CAMTA1: variants seen among roughly 807,000 people sequenced by gnomAD.
CAMTA1 encodes the protein calmodulin binding transcription activator 1.
A neutral mutation model predicts 170.9 loss-of-function variants in CAMTA1; 27 were observed. The observed-to-expected ratio is 0.16, with a 90% CI of 0.12 to 0.22. The LOEUF is 0.22. Among genes scored for constraint, CAMTA1 ranks in the 10% least tolerant of loss-of-function variants. The pLI, the probability that CAMTA1 is intolerant of heterozygous loss-of-function variation, is 1.00. For synonymous variants in CAMTA1, 833 were observed against 891.5 expected (o/e 0.93, Z 1.17); for missense variants, 1,619 against 2,217.2 (o/e 0.73, Z 5.42).
intron 5 of CAMTA1, among the ~76,000 whole-genome samples, chr1:7,348,067 C>T (rs1326937927): frequency 2.6e-5 from 4 of 152,264 alleles, no homozygotes; most frequent in East Asian, 1.9e-4. Context: ...GCAGCTCTGG[C>T]GAGGGACTGA....
chr1:6,809,534 TGAG>T (rs938908096), intron 1 of CAMTA1, among the ~76,000 whole-genome samples: 2 of 151,904 alleles, frequency 1.3e-5, no homozygotes, highest in African/African-American at 4.8e-5. Flanking sequence ...AGAAGGGCTG[TGAG>T]GAGGTCTGGA....
chr1:6,972,771 CTAT>C (rs1692764328), intron 3 of CAMTA1, among the ~76,000 whole-genome samples: 1 of 152,166 alleles, frequency 6.6e-6, no homozygotes, highest in Non-Finnish European at 1.5e-5. Context: ...GTTTCTTTTA[CTAT>C]TATTATTGTT....
chr1:7,007,456 T>G lies in CAMTA1; in HGVS notation c.235-83848T>G, dbSNP rs1699167163. Among the ~76,000 whole-genome samples the G allele has an allele frequency of 6.6e-6, 1 of 152,160 alleles. No individual in the cohort carries two copies. The highest frequency in any genetic ancestry group is 2.4e-5 in the African/African-American group (1 of 41,446). The stretch of plus-strand genomic sequence containing the variant: ...GCAACAGAATGTCACACCCAGGTCC[T>G]TCCCTCGCCTCGAGAACCCCAAGCG... On this transcript the variant is annotated intron_variant, in intron 3 of 22. Transcript: ENST00000303635. The surrounding 1 kb of genome is among the most constrained non-coding windows in gnomAD (Gnocchi z 4.5).
At chr1:7,276,192 A>T (rs1037476346) in intron 5 of CAMTA1, among the ~76,000 whole-genome samples, 4 of 87,292 alleles carry the variant, frequency 4.6e-5, no homozygotes, top group Non-Finnish European at 7.0e-5. Context: ...ATTCATGATT[A>T]AAAAAAAAAA....
intron 6 of CAMTA1, among the ~76,000 whole-genome samples, chr1:7,504,852 G>C (rs995249349): frequency 1.3e-5 from 2 of 152,268 alleles, no homozygotes; most frequent in Non-Finnish European, 2.9e-5. Context: ...GCCTTTCTCA[G>C]AATGCCATGC....
intron 4 of CAMTA1, among the ~76,000 whole-genome samples, chr1:7,166,476 A>G (rs1648458602): frequency 2.6e-5 from 4 of 152,216 alleles, no homozygotes; most frequent in East Asian, 3.9e-4. Context: ...TATGGTCCCA[A>G]CTACAAGTGG....
rs535523076 is a variant in CAMTA1, at chr1:7,408,782, T to A, written c.439-59048T>A. On this transcript the variant is annotated intron_variant, in intron 5 of 22. Transcript: ENST00000303635. ...AGAGCCGAGAGGACAATGGTGATCA[T>A]CTAGTTCATCTCTCTGAATTGGCAG... 3.3e-5 allele frequency among the ~76,000 whole-genome samples: 5 copies of A among 152,284 alleles called. No individual in the cohort carries two copies. In the South Asian group the frequency reaches 1.0e-3, roughly 32 times the overall value.
chr1:7,431,445 T>C (rs1404879399), intron 5 of CAMTA1, among the ~76,000 whole-genome samples: 1 of 152,150 alleles, frequency 6.6e-6, no homozygotes, highest in African/African-American at 2.4e-5. Flanking sequence ...GGAGTACAGG[T>C]CCTACTGTGC....
intron 1 of CAMTA1, among the ~76,000 whole-genome samples, chr1:6,804,680 A>G (rs1236061220): frequency 6.6e-6 from 1 of 152,160 alleles, no homozygotes; most frequent in Non-Finnish European, 1.5e-5. Context: ...TGTTGTATGT[A>G]GCATGTACTG....
At chr1:7,501,183 C>T (rs1301878829) in intron 6 of CAMTA1, among the ~76,000 whole-genome samples, 1 of 152,134 alleles carries the variant, frequency 6.6e-6, no homozygotes, top group East Asian at 1.9e-4. Context: ...CAGGGAGGCT[C>T]TCCCTGGAAG....
rs1367495557 is a variant in CAMTA1, at chr1:7,601,814, G to A, written c.511-38586G>A. Among the ~76,000 whole-genome samples, 15 of 152,276 alleles carry A rather than the reference G, an allele frequency of 9.9e-5. 1 individual carries two copies. Among genetic ancestry groups the A allele is most frequent in the South Asian group, 6.2e-4 (3 of 4,824 alleles). The stretch of plus-strand genomic sequence containing the variant: ...AAACCAGTCAGGCATGGCGGCGCGC[G>A]CCTGCAATCGCAGGCACTCGGCAGG... On this transcript the variant is annotated intron_variant, in intron 6 of 22. Transcript: ENST00000303635.
At chr1:7,281,134 T>C (rs1671449535) in intron 5 of CAMTA1, among the ~76,000 whole-genome samples, 1 of 152,218 alleles carries the variant, frequency 6.6e-6, no homozygotes, top group Non-Finnish European at 1.5e-5. Flanking sequence ...AAAGGGTACC[T>C]CTATGTCTAG....
At chr1:6,984,425 C>T (rs541672079) in intron 3 of CAMTA1, among the ~76,000 whole-genome samples, 46 of 152,060 alleles carry the variant, frequency 3.0e-4, no homozygotes, top group African/African-American at 9.6e-4. Context: ...CCAGCCTGGC[C>T]AACATGATGA....
chr1:6,860,625 C>T (rs1024664738), intron 3 of CAMTA1, among the ~76,000 whole-genome samples: 5 of 152,062 alleles, frequency 3.3e-5, no homozygotes, highest in Admixed American at 6.5e-5. Context: ...AAAGGTCTAT[C>T]AGGGCCGGGC....
chr1:6,982,062 TA>T (rs1370666558), intron 3 of CAMTA1, among the ~76,000 whole-genome samples: 1 of 152,238 alleles, frequency 6.6e-6, no homozygotes, highest in Non-Finnish European at 1.5e-5. Context: ...TTGCATTAGA[TA>T]ATAAATGTTT....
chr1:7,485,674 C>A (rs1486276188), intron 6 of CAMTA1, among the ~76,000 whole-genome samples: 2 of 152,174 alleles, frequency 1.3e-5, no homozygotes, highest in Non-Finnish European at 2.9e-5. Flanking sequence ...CTGCCCCTTC[C>A]CCACCAGGCG....
At chr1:7,302,922 A>G (rs1003636128) in intron 5 of CAMTA1, among the ~76,000 whole-genome samples, 3 of 152,198 alleles carry the variant, frequency 2.0e-5, no homozygotes, top group Admixed American at 2.0e-4. Flanking sequence ...TTACCAGGCA[A>G]TGACAGTGCA....
chr1:6,844,462 A>T (rs1657135529), intron 3 of CAMTA1, among the ~76,000 whole-genome samples: 1 of 150,466 alleles, frequency 6.6e-6, no homozygotes, highest in Non-Finnish European at 1.5e-5. Context: ...GCTGGAGCCC[A>T]GGAGTTCAAG....
intron 11 of CAMTA1, among the ~76,000 whole-genome samples, chr1:7,717,636 A>G (rs923955071): frequency 3.9e-5 from 6 of 152,034 alleles, no homozygotes; most frequent in African/African-American, 1.2e-4. Flanking sequence ...GGTCCCAGCT[A>G]CTTAGGAGGC....
Sources: gnomAD v4.1 joint callset for allele counts (sites outside exome capture counted in the v4.1 genomes callset) on GRCh38, gnomAD v4.1.1 for gene constraint, Gnocchi (gnomAD v3.1) non-coding constraint, MANE v1.5 for transcripts, NCBI Gene and HGNC (gene_info 2026-07-23, HGNC 2026-07-21) for gene names.